Variants in KCNIP4 observed in about 807,000 individuals in gnomAD.
KCNIP4 encodes potassium voltage-gated channel interacting protein 4.
In KCNIP4, 12 loss-of-function variants were observed where a neutral mutation model predicts 34.0. That is an observed-to-expected ratio of 0.35 (90% CI 0.23 to 0.57). The LOEUF is 0.57. Ranked by LOEUF, KCNIP4 falls within the 20% of genes least tolerant of loss-of-function variation. The probability of loss-of-function intolerance (pLI) is 0.83; values close to 1 mark genes in which losing one functional copy is unlikely to be tolerated. For missense variants in KCNIP4, 238 were observed against 311.7 expected (o/e 0.76, Z 1.78); for synonymous variants, 124 against 102.2 (o/e 1.21, Z -1.29).
At chr4:21,773,208 C>A (rs1365456793) in intron 1 of KCNIP4, among the ~76,000 whole-genome samples, 1 of 152,258 alleles carries the variant, frequency 6.6e-6, no homozygotes, top group East Asian at 1.9e-4. Flanking sequence ...TGTCCAATTT[C>A]CATGAAATTT....
chr4:20,946,760 T>A (rs926698204), intron 1 of KCNIP4, among the ~76,000 whole-genome samples: 4 of 152,092 alleles, frequency 2.6e-5, no homozygotes, highest in African/African-American at 9.7e-5. Flanking sequence ...ATACATTCAT[T>A]GGTGTGAGTT....
At chr4:21,706,136 T>C (rs1214278908) in intron 1 of KCNIP4, among the ~76,000 whole-genome samples, 2 of 152,186 alleles carry the variant, frequency 1.3e-5, no homozygotes, top group African/African-American at 4.8e-5. Context: ...GGATTAGATA[T>C]AACTACCACT....
intron 1 of KCNIP4, among the ~76,000 whole-genome samples, chr4:21,439,740 T>C (rs2109699631): frequency 8.1e-6 from 1 of 123,548 alleles, no homozygotes; most frequent in South Asian, 2.7e-4. Flanking sequence ...GAGTGAAAGA[T>C]GCTCACAATA....
intron 1 of KCNIP4, among the ~76,000 whole-genome samples, chr4:21,730,850 C>T (rs1715538534): frequency 6.6e-6 from 1 of 152,044 alleles, no homozygotes; most frequent in African/African-American, 2.4e-5. Flanking sequence ...CAGTGGCTCA[C>T]GCCTGTAATT....
intron 1 of KCNIP4, among the ~76,000 whole-genome samples, chr4:21,529,083 C>A (rs949594619): frequency 7.9e-5 from 12 of 152,090 alleles, no homozygotes; most frequent in Non-Finnish European, 1.2e-4. Context: ...AGATACAGTG[C>A]AGCAGCTATT....
At chr4:21,452,526 C>A (rs1432008686) in intron 1 of KCNIP4, among the ~76,000 whole-genome samples, 1 of 151,972 alleles carries the variant, frequency 6.6e-6, no homozygotes, top group African/African-American at 2.4e-5. Context: ...GATAATAACA[C>A]CTCCCTCATA....
chr4:21,019,533 G>A (rs567789352), intron 1 of KCNIP4, among the ~76,000 whole-genome samples: 1 of 152,246 alleles, frequency 6.6e-6, no homozygotes, highest in South Asian at 2.1e-4. Context: ...GTTACTGGGA[G>A]TGAGGACTTC....
intron 1 of KCNIP4, among the ~76,000 whole-genome samples, chr4:21,468,131 A>G (rs994429406): frequency 3.9e-5 from 6 of 152,196 alleles, no homozygotes; most frequent in Admixed American, 2.0e-4. Context: ...TCCAGGTTCC[A>G]AGCTCAAGAA....
intron 1 of KCNIP4, among the ~76,000 whole-genome samples, chr4:21,551,036 C>A (rs1025016233): frequency 5.3e-5 from 8 of 151,892 alleles, no homozygotes; most frequent in Non-Finnish European, 8.8e-5. Flanking sequence ...GAACCAGAAA[C>A]AAACAAAAAC....
intron 1 of KCNIP4, among the ~76,000 whole-genome samples, chr4:21,029,177 C>T (rs762061492): frequency 9.2e-5 from 14 of 152,264 alleles, no homozygotes; most frequent in Non-Finnish European, 2.1e-4. Flanking sequence ...TATGAGATCA[C>T]CTTCTTTCTA....
At chr4:20,886,404 G>C (rs1725316913) in intron 1 of KCNIP4, among the ~76,000 whole-genome samples, 1 of 152,222 alleles carries the variant, frequency 6.6e-6, no homozygotes, top group Non-Finnish European at 1.5e-5. Context: ...CCAGGGTTAA[G>C]AGAGAATTGA....
chr4:21,894,263 A>G (rs1727260188), intron 1 of KCNIP4, among the ~76,000 whole-genome samples: 1 of 152,060 alleles, frequency 6.6e-6, no homozygotes, highest in African/African-American at 2.4e-5. Flanking sequence ...TTGAACCAGG[A>G]GGTAGAGGCT....
At chr4:21,674,086 A>G (rs1378040480) in intron 1 of KCNIP4, among the ~76,000 whole-genome samples, 1 of 152,268 alleles carries the variant, frequency 6.6e-6, no homozygotes, top group Non-Finnish European at 1.5e-5. Context: ...TAAAAATGTT[A>G]AAAACAGATT....
chr4:21,264,751 C>T (rs1202015851), intron 1 of KCNIP4, among the ~76,000 whole-genome samples: 1 of 151,988 alleles, frequency 6.6e-6, no homozygotes, highest in African/African-American at 2.4e-5. Context: ...AGAAACTTAG[C>T]CTGGCGAGAA....
intron 1 of KCNIP4, among the ~76,000 whole-genome samples, chr4:21,802,573 A>C (rs925068980): frequency 6.6e-6 from 1 of 152,184 alleles, no homozygotes. Context: ...TCTGGGGCTA[A>C]CATCAGGTTT....
intron 1 of KCNIP4, among the ~76,000 whole-genome samples, chr4:21,337,441 T>C (rs1164866696): frequency 6.6e-6 from 1 of 152,104 alleles, no homozygotes. Flanking sequence ...GAAAGAAGCA[T>C]TGCAGAAAAA....
Position 21,800,920 on chromosome 4 carries a change from A to G in KCNIP4, c.61+147651T>C, listed in dbSNP as rs1303593024. ...AAGATTATGGTCATAACATTTGCCA[A>G]CGTTTCTCATGAGAAGTCTCTCCTG... On this transcript the variant is annotated intron_variant, in intron 1 of 8. Transcript: ENST00000382152. 5.3e-5 allele frequency among the ~76,000 whole-genome samples: 8 copies of G among 152,222 alleles called. No homozygotes were observed. In the East Asian group the frequency reaches 5.8e-4, roughly 11 times the overall value.
At chr4:21,280,699 G>T (rs758825587) in intron 1 of KCNIP4, among the ~76,000 whole-genome samples, 17 of 152,104 alleles carry the variant, frequency 1.1e-4, no homozygotes, top group Non-Finnish European at 2.5e-4. Context: ...AGTGAGACTT[G>T]GGTCACTAGA....
At chr4:21,528,751 GAAA>G (rs1560489862) in intron 1 of KCNIP4, among the ~76,000 whole-genome samples, 319 of 8,602 alleles carry the variant, frequency 0.037, 34 homozygotes, top group South Asian at 0.06. Flanking sequence ...AAGAAAGAAA[GAAA>G]GAAAGAAAGA....
Sources: gnomAD v4.1 joint callset for allele counts (sites outside exome capture counted in the v4.1 genomes callset) on GRCh38, gnomAD v4.1.1 for gene constraint, MANE v1.5 for transcripts, NCBI Gene and HGNC (gene_info 2026-07-23, HGNC 2026-07-21) for gene names.